The following EPM2A variants were observed in gnomAD, a reference collection of about 807,000 sequenced individuals.
EPM2A encodes the protein laforin.
EPM2A carries 21 observed loss-of-function variants against 26.5 expected under a neutral mutation model. The observed-to-expected ratio is 0.79, with a 90% CI of 0.56 to 1.14. The LOEUF (loss-of-function observed/expected upper bound fraction) is 1.14. Among genes scored for constraint, EPM2A ranks in the 50% most tolerant of loss-of-function variants. The pLI is 0.00. For missense variants in EPM2A, 458 were observed against 440.8 expected (o/e 1.04, Z -0.35); for synonymous variants, 217 against 177.6 (o/e 1.22, Z -1.76).
At chr6:145,386,885 C>T (rs969627798) in intron 4 of EPM2A, among the ~76,000 whole-genome samples, 1 of 152,090 alleles carries the variant, frequency 6.6e-6, no homozygotes. Context: ...GTGCCAGTAA[C>T]AGAAATCTAC....
rs1212378603 is a variant in EPM2A, at chr6:145,568,234, C to A, written c.341-65659G>T. On this transcript the variant is annotated intron_variant, in intron 2 of 3. Coordinates refer to the EPM2A transcript ENST00000450221. The stretch of plus-strand genomic sequence containing the variant: ...ACTAGGCCAATGAAACTCTCTGTTT[C>A]AAGTGAGAAACTGAGCCTCAGAGAG... Among the ~76,000 whole-genome samples, 4 of 152,024 alleles carry A rather than the reference C, an allele frequency of 2.6e-5. No homozygotes were observed. The South Asian group carries it at 8.3e-4, about 32-fold the overall frequency.
chr6:145,707,967 T>C lies in EPM2A; in HGVS notation c.302-21671A>G, dbSNP rs910474731. ...TGTTGAATGGCTTTGACCAAAATGCTCATAGTGATATGGACAGTGAAGTCC... is the reference window on the plus strand; with the variant it reads ...TGTTGAATGGCTTTGACCAAAATGCCCATAGTGATATGGACAGTGAAGTCC... On this transcript the variant is annotated intron_variant, in intron 1 of 3. Coordinates refer to ENST00000367519, the MANE Select transcript of EPM2A (RefSeq NM_005670.4). Among the ~76,000 whole-genome samples the C allele has an allele frequency of 2.0e-5, 3 of 152,304 alleles. No individual in the cohort carries two copies. In the South Asian group the frequency reaches 6.2e-4, roughly 32 times the overall value.
At chr6:145,423,213 A>G (rs529745368) in intron 4 of EPM2A, among the ~76,000 whole-genome samples, 20 of 152,202 alleles carry the variant, frequency 1.3e-4, no homozygotes, top group African/African-American at 4.8e-4. Context: ...AACTTCCCCA[A>G]TTTCTTCCAA....
intron 2 of EPM2A, among the ~76,000 whole-genome samples, chr6:145,529,552 A>G (rs990694722): frequency 2.6e-5 from 4 of 152,198 alleles, no homozygotes; most frequent in African/African-American, 9.6e-5. Context: ...TGTACATTTT[A>G]GACATAATGC....
chr6:145,627,765 G>A, intron 3 of EPM2A, 72 bp from the exon 4 acceptor site: 2 of 1,577,086 alleles, frequency 1.3e-6, no homozygotes, highest in Non-Finnish European at 1.7e-6. Flanking sequence ...GTCTCCTCCA[G>A]CACAGCCTGA....
At chr6:145,439,274 G>T (rs534497841) in intron 4 of EPM2A, among the ~76,000 whole-genome samples, 1 of 152,072 alleles carries the variant, frequency 6.6e-6, no homozygotes, top group South Asian at 2.1e-4. Flanking sequence ...AATAACATAC[G>T]TGTGCATGTG....
At chr6:145,455,026 T>C (rs1779245055) in intron 4 of EPM2A, among the ~76,000 whole-genome samples, 1 of 152,064 alleles carries the variant, frequency 6.6e-6, no homozygotes, top group African/African-American at 2.4e-5. Context: ...TATATAAACA[T>C]AGATATATGT....
At chr6:145,387,471 C>T (rs750456712) in intron 4 of EPM2A, among the ~76,000 whole-genome samples, 13 of 152,074 alleles carry the variant, frequency 8.5e-5, no homozygotes, top group Non-Finnish European at 1.6e-4. Context: ...TGTCTCCTGA[C>T]ACTCACTGTG....
chr6:145,621,855 C>T (rs1167329010), downstream of EPM2A, among the ~76,000 whole-genome samples: 1 of 152,096 alleles, frequency 6.6e-6, no homozygotes, highest in Non-Finnish European at 1.5e-5. Context: ...CCTTATCAGA[C>T]ATATTATGGT....
At chr6:145,526,529 T>C (rs945339559) in intron 2 of EPM2A, among the ~76,000 whole-genome samples, 3 of 152,070 alleles carry the variant, frequency 2.0e-5, no homozygotes, top group Admixed American at 6.6e-5. Flanking sequence ...GGGGTGGGTG[T>C]CTGTTTCTGG....
At chr6:145,671,290 T>A in intron 2 of EPM2A, 1 of 1,046,018 alleles carries the variant, frequency 9.6e-7, no homozygotes, top group Non-Finnish European at 1.2e-6. Context: ...TTTCCAAATA[T>A]AGCTGCTGTA....
At position 145,473,219 on chromosome 6, in the gene EPM2A, A is replaced by G. The variant is rs1779498746; in HGVS notation, c.555+29303T>C. Among the ~76,000 whole-genome samples, 3 of 152,260 alleles carry G rather than the reference A, an allele frequency of 2.0e-5. 1 individual carries two copies. The South Asian group carries it at 6.2e-4, about 32-fold the overall frequency. On this transcript the variant is annotated intron_variant, in intron 4 of 4. Coordinates refer to the EPM2A transcript ENST00000638717. ...TAACAAAGAGATTGAAGTAATGAAA[A>G]AAAATCACGTAGAAATTCTGGACCT...
intron 2 of EPM2A, among the ~76,000 whole-genome samples, chr6:145,558,391 A>G (rs1203603457): frequency 6.6e-6 from 1 of 152,112 alleles, no homozygotes; most frequent in Non-Finnish European, 1.5e-5. Context: ...GCTGCAATGA[A>G]CATGGGAATG....
chr6:145,655,707 T>A (rs1398557707), intron 2 of EPM2A, among the ~76,000 whole-genome samples: 1 of 152,078 alleles, frequency 6.6e-6, no homozygotes, highest in Non-Finnish European at 1.5e-5. Flanking sequence ...TTGCCATAGA[T>A]AAAAATATTT....
chr6:145,435,325 A>G (rs184871989), intron 4 of EPM2A, among the ~76,000 whole-genome samples: 2 of 151,766 alleles, frequency 1.3e-5, no homozygotes, highest in East Asian at 1.9e-4. Flanking sequence ...ACCAGAACAA[A>G]CAGTTAAAAA....
At chr6:145,698,725 T>C (rs949281362) in intron 1 of EPM2A, among the ~76,000 whole-genome samples, 3 of 152,074 alleles carry the variant, frequency 2.0e-5, no homozygotes, top group Admixed American at 2.0e-4. Context: ...CACCCCAAAA[T>C]TTATATAATG....
chr6:145,514,484 T>A (rs1019957944), intron 2 of EPM2A, among the ~76,000 whole-genome samples: 1 of 152,208 alleles, frequency 6.6e-6, no homozygotes, highest in Non-Finnish European at 1.5e-5. Context: ...TTTATTGATA[T>A]ATGTACATTT....
intron 2 of EPM2A, among the ~76,000 whole-genome samples, chr6:145,576,404 T>C (rs1270813534): frequency 6.6e-6 from 1 of 151,602 alleles, no homozygotes; most frequent in African/African-American, 2.4e-5. Context: ...TATCAAGACA[T>C]CACAGTAACT....
chr6:145,414,695 T>C (rs994679541), intron 4 of EPM2A, among the ~76,000 whole-genome samples: 9 of 152,094 alleles, frequency 5.9e-5, no homozygotes, highest in Admixed American at 2.0e-4. Flanking sequence ...GTCTCTTGTC[T>C]ACCCTCTGAC....
Sources: allele counts gnomAD v4.1 joint callset (sites outside exome capture counted in the v4.1 genomes callset), GRCh38; gene constraint gnomAD v4.1.1; transcripts MANE v1.5; gene names NCBI Gene and HGNC (gene_info 2026-07-23, HGNC 2026-07-21).